The following RABGAP1L variants were observed in gnomAD, a reference collection of about 807,000 sequenced individuals.
RABGAP1L encodes RAB GTPase activating protein 1 like.
Under a neutral mutation model 137.7 loss-of-function variants are expected in RABGAP1L, and 63 were observed. That is an observed-to-expected ratio of 0.46 (90% CI 0.37 to 0.56). RABGAP1L has a LOEUF of 0.56. RABGAP1L is among the 20% of genes least tolerant of loss of function. RABGAP1L has a pLI of 0.00. For missense variants in RABGAP1L, 1,095 were observed against 1,244.0 expected, an observed-to-expected ratio of 0.88 and a Z score of 1.80; for synonymous variants, 431 against 433.7, an observed-to-expected ratio of 0.99 and a Z score of 0.08.
chr1:174,606,439 A>G lies in RABGAP1L; in HGVS notation c.1711-30936A>G, dbSNP rs76885091. On this transcript the variant is annotated intron_variant, in intron 13 of 25. Coordinates refer to ENST00000681986, the MANE Select transcript of RABGAP1L (RefSeq NM_001366446.1). ...AAATTGTCCATTGATAAGGCATACC[A>G]CGGGTTTATTTCATTATGCCAATTT... is the stretch of plus-strand genomic sequence containing the variant. 9.5e-3 allele frequency among the ~76,000 whole-genome samples: 1,445 copies of G among 152,296 alleles called. 25 individuals are homozygous for G. Among genetic ancestry groups the G allele is most frequent in the African/African-American group, 0.033 (1,386 of 41,556 alleles).
At chr1:174,869,325 G>A (rs1168574375) in intron 19 of RABGAP1L, among the ~76,000 whole-genome samples, 2 of 152,060 alleles carry the variant, frequency 1.3e-5, no homozygotes, top group East Asian at 1.9e-4. Context: ...ATCATGGGAG[G>A]TGAGTGGAAC....
intron 13 of RABGAP1L, among the ~76,000 whole-genome samples, chr1:174,542,004 A>G (rs1665500673): frequency 6.6e-6 from 1 of 152,168 alleles, no homozygotes; most frequent in African/African-American, 2.4e-5. Context: ...CCAGTATTTT[A>G]TTGAGGATCT....
chr1:174,684,431 A>G (rs865828881), intron 15 of RABGAP1L, among the ~76,000 whole-genome samples: 2 of 152,210 alleles, frequency 1.3e-5, no homozygotes, highest in South Asian at 4.1e-4. Flanking sequence ...CAAAGGGAAC[A>G]ATATGAAATC....
At chr1:174,186,112 C>G (rs985689396) in intron 1 of RABGAP1L, among the ~76,000 whole-genome samples, 1 of 150,852 alleles carries the variant, frequency 6.6e-6, no homozygotes, top group African/African-American at 2.4e-5. Context: ...CCATTGCACT[C>G]CAGCCTGGGC....
chr1:174,652,705 C>G (rs888839053), intron 14 of RABGAP1L, among the ~76,000 whole-genome samples: 2 of 152,168 alleles, frequency 1.3e-5, no homozygotes, highest in Non-Finnish European at 2.9e-5. Flanking sequence ...AGATGCCAGC[C>G]GGAGCTCTCC....
chr1:174,677,066 A>T (rs1677686564), intron 14 of RABGAP1L, among the ~76,000 whole-genome samples: 1 of 151,632 alleles, frequency 6.6e-6, no homozygotes, highest in Non-Finnish European at 1.5e-5. Context: ...TCATGCGTGT[A>T]ATCCAAGCAC....
intron 17 of RABGAP1L, among the ~76,000 whole-genome samples, chr1:174,729,707 G>T (rs1682299233): frequency 6.6e-6 from 1 of 152,044 alleles, no homozygotes; most frequent in South Asian, 2.1e-4. Flanking sequence ...GCAGCCAAAA[G>T]ACATGAAAAA....
intron 10 of RABGAP1L, among the ~76,000 whole-genome samples, chr1:174,292,794 C>T (rs80171282): frequency 9.1e-4 from 138 of 152,262 alleles, no homozygotes; most frequent in African/African-American, 2.9e-3. Flanking sequence ...GTGATCTTTA[C>T]TCAGTAGATC....
intron 17 of RABGAP1L, among the ~76,000 whole-genome samples, chr1:174,742,724 C>G (rs913249585): frequency 3.9e-5 from 6 of 152,130 alleles, no homozygotes; most frequent in South Asian, 4.1e-4. Context: ...ATAACTATAA[C>G]TGTAAAACAA....
chr1:174,850,162 C>A (rs1310753899), intron 19 of RABGAP1L: 3 of 436,014 alleles, frequency 6.9e-6, no homozygotes, highest in African/African-American at 2.2e-5. Flanking sequence ...GTCACTGCAG[C>A]CCCCATCTCC....
chr1:174,678,470 CA>C (rs146060051), intron 14 of RABGAP1L, among the ~76,000 whole-genome samples: 15 of 143,526 alleles, frequency 1.0e-4, no homozygotes, highest in South Asian at 6.6e-4. Flanking sequence ...CAAAACAAAA[CA>C]AAAAAAAAAG....
At chr1:174,957,261 C>T (rs1668628556) in intron 19 of RABGAP1L, among the ~76,000 whole-genome samples, 196 bp from the exon 20 acceptor site, 1 of 152,164 alleles carries the variant, frequency 6.6e-6, no homozygotes, top group South Asian at 2.1e-4. Flanking sequence ...ATATGGCCCA[C>T]AAGGCCTAAA....
chr1:174,330,405 CGTT>C (rs1680932874), intron 11 of RABGAP1L, among the ~76,000 whole-genome samples: 2 of 152,114 alleles, frequency 1.3e-5, no homozygotes, highest in South Asian at 2.1e-4. Context: ...CATTGGGAGA[CGTT>C]GTCTCTACCA....
chr1:174,794,466 C>T (rs575696409), intron 18 of RABGAP1L, among the ~76,000 whole-genome samples: 56 of 152,272 alleles, frequency 3.7e-4, no homozygotes, highest in African/African-American at 1.2e-3. Context: ...CTAGGCTCTA[C>T]GAGAGGTTCC....
chr1:174,449,766 T>G (rs143925536), intron 13 of RABGAP1L, among the ~76,000 whole-genome samples: 121 of 152,342 alleles, frequency 7.9e-4, no homozygotes, highest in Non-Finnish European at 1.2e-3. Flanking sequence ...ACAACCCCTT[T>G]GCTTGTGTTT....
At chr1:174,318,008 A>G (rs1180101304) in intron 11 of RABGAP1L, among the ~76,000 whole-genome samples, 2 of 150,400 alleles carry the variant, frequency 1.3e-5, no homozygotes, top group African/African-American at 4.9e-5. Context: ...CACTGATGCC[A>G]GGGGTTATAG....
At chr1:174,895,840 C>G in intron 19 of RABGAP1L, among the ~76,000 whole-genome samples, 1 of 152,178 alleles carries the variant, frequency 6.6e-6, no homozygotes. Context: ...TCCAGTCTTT[C>G]ATTGCTGGAC....
At chr1:174,606,202 C>A (rs188262316) in intron 13 of RABGAP1L, among the ~76,000 whole-genome samples, 140 of 152,196 alleles carry the variant, frequency 9.2e-4, no homozygotes, top group African/African-American at 3.1e-3. Flanking sequence ...TATGAAATTT[C>A]AATAAAAATT....
chr1:174,189,638 G>T (rs1052637890), intron 1 of RABGAP1L, among the ~76,000 whole-genome samples: 1 of 152,184 alleles, frequency 6.6e-6, no homozygotes, highest in Non-Finnish European at 1.5e-5. Context: ...TGTGTTAGTG[G>T]ATTATCATGG....
Sources: gnomAD v4.1 joint callset for allele counts (sites outside exome capture counted in the v4.1 genomes callset) on GRCh38, gnomAD v4.1.1 for gene constraint, MANE v1.5 for transcripts, NCBI Gene and HGNC (gene_info 2026-07-23, HGNC 2026-07-21) for gene names.